The following TJP1 variants were observed in gnomAD, a reference collection of about 807,000 sequenced individuals.
TJP1 encodes tight junction protein ZO-1.
TJP1 carries 43 observed loss-of-function variants against 194.2 expected under a neutral mutation model. The observed-to-expected ratio is 0.22, with a 90% CI of 0.17 to 0.29. The LOEUF is 0.29. TJP1 is among the 10% of genes least tolerant of loss of function. The pLI, the probability that TJP1 is intolerant of heterozygous loss-of-function variation, is 1.00. For missense variants in TJP1, 1,971 were observed against 2,185.7 expected (o/e 0.90, Z 1.96); for synonymous variants, 801 against 779.0 (o/e 1.03, Z -0.47).
At chr15:29,720,300 C>A in intron 19 of TJP1, 58 bp downstream of exon 19, 4 of 1,383,534 alleles carry the variant, frequency 2.9e-6, no homozygotes, top group Non-Finnish European at 3.9e-6. Flanking sequence ...TCAATCACCA[C>A]ATTCTAAAAT....
intron 18 of TJP1, among the ~76,000 whole-genome samples, chr15:29,722,361 C>T (rs1031789557): frequency 3.9e-5 from 6 of 152,226 alleles, no homozygotes; most frequent in Non-Finnish European, 5.9e-5. Flanking sequence ...GTTCTAGCTC[C>T]AGACATGGCC....
chr15:29,794,343 T>C (rs1485680793), intron 2 of TJP1, among the ~76,000 whole-genome samples: 1 of 152,170 alleles, frequency 6.6e-6, no homozygotes, highest in East Asian at 1.9e-4. Flanking sequence ...TATACCTCTC[T>C]TATCTCAATG....
intron 2 of TJP1, among the ~76,000 whole-genome samples, chr15:29,777,744 T>C (rs555179530): frequency 2.7e-4 from 41 of 152,212 alleles, no homozygotes; most frequent in African/African-American, 9.1e-4. Context: ...AACTAACTTC[T>C]AGAAAGTACC....
intron 12 of TJP1, 83 bp from the exon 13 acceptor site, chr15:29,733,396 GATAATATCAATA>G: frequency 1.1e-6 from 1 of 931,160 alleles, no homozygotes; most frequent in Non-Finnish European, 1.6e-6. Flanking sequence ...AAGATGCTAT[GATAATATCAATA>G]ATAATATCCA....
chr15:29,702,622 A>ACAACAAT (rs955103451), intron 27 of TJP1, among the ~76,000 whole-genome samples: 17 of 152,194 alleles, frequency 1.1e-4, no homozygotes, highest in African/African-American at 4.1e-4. Context: ...GGAGGGCCCT[A>ACAACAAT]CAACAATCAT....
chr15:29,872,023 T>A lies in TJP1; in HGVS notation c.307-71321A>T, dbSNP rs564863417. 2.0e-5 allele frequency among the ~76,000 whole-genome samples: 3 copies of A among 152,198 alleles called. No homozygotes were observed. The South Asian group carries it at 6.2e-4, about 32-fold the overall frequency. On this transcript the variant is annotated intron_variant, in intron 2 of 28. Transcript: ENST00000356107. ...GGTCTGAACACACAGCACACAGCTG[T>A]CAGAAGGAAGGCCAGGCATTTACAC... is the stretch of plus-strand genomic sequence containing the variant.
rs1221313122 is a variant in TJP1, at chr15:29,795,416, CA to C, written c.84+5229del. Among the ~76,000 whole-genome samples the C allele has an allele frequency of 0.011, 1,084 of 100,694 alleles. 28 individuals are homozygous for C. The East Asian group carries it at 0.14, about 13-fold the overall frequency. 66.1% of individuals were successfully genotyped at this position (100,694 alleles called of 152,430 possible). On this transcript the variant is annotated intron_variant, in intron 2 of 27. Transcript: ENST00000614355. ...TGGGTGATACAGCAAGACTCTGTCT[CA>C]AAAAAAAAAAAAAAGACTACCAAAA...
At position 29,718,651 on chromosome 15, in the gene TJP1, C is replaced by T. The variant is rs1189846746; in HGVS notation, c.3491G>A (p.Gly1164Glu). The change falls in exon 21 of 28, where the codon GGG becomes GAG. Residue 1164 changes from glycine to glutamate, a missense_variant. By Grantham distance (98) the Gly-to-Glu change is moderately conservative. This residue lies in a region of TJP1 where 1,108 missense variants were observed against 1,128.5 expected (regional missense o/e 0.98). Coordinates refer to ENST00000614355, the MANE Select transcript of TJP1 (RefSeq NM_001330239.4). ...ALRHEEQPAPGYDTHGRLRPE... is the reference protein window; with the variant it reads ...ALRHEEQPAPEYDTHGRLRPE... The stretch of plus-strand genomic sequence containing the variant: ...TCTGAGTCTACCATGTGTGTCATAC[C>T]CAGGAGCTGGCTGCTCTTCGTGCCG... 1 of 1,614,014 alleles carries T rather than the reference C, an allele frequency of 6.2e-7. No individual in the cohort carries two copies. Among genetic ancestry groups the T allele is most frequent in the Non-Finnish European group, 8.5e-7 (1 of 1,180,034 alleles).
intron 4 of TJP1, among the ~76,000 whole-genome samples, chr15:29,766,965 G>C (rs1332381993): frequency 6.6e-6 from 1 of 152,116 alleles, no homozygotes; most frequent in Non-Finnish European, 1.5e-5. Context: ...AAAAATTTTA[G>C]AATGCATCAA....
intron 2 of TJP1, among the ~76,000 whole-genome samples, chr15:29,784,906 A>C (rs1466068051): frequency 1.3e-5 from 2 of 152,184 alleles, no homozygotes; most frequent in African/African-American, 4.8e-5. Context: ...GCATGTGCAA[A>C]AAAAAATTTT....
In TJP1 at chr15:29,718,682, C is replaced by T. The variant is rs771062493; in HGVS notation, c.3460G>A (p.Ala1154Thr). The T allele has an allele frequency of 1.5e-5, 24 of 1,614,120 alleles. No individual in the cohort carries two copies. In the East Asian group the frequency reaches 2.2e-4, roughly 15 times the overall value. ...PRYEQAPRASALRHEEQPAPG... is the reference protein window; with the variant it reads ...PRYEQAPRASTLRHEEQPAPG... Reference sequence around the variant, plus strand: ...GCTGGCTGCTCTTCGTGCCGCAGGGCGGATGCTCTAGGTGCCTGTTCGTAA... The same window carrying T: ...GCTGGCTGCTCTTCGTGCCGCAGGGTGGATGCTCTAGGTGCCTGTTCGTAA... The change falls in exon 21 of 28, where the codon GCC becomes ACC. Residue 1154 changes from alanine (A) to threonine (T), a missense_variant. Around this residue, in one of 5 missense-constraint regions of TJP1, gnomAD observed 1,108 missense variants for 1,128.5 expected, o/e 0.98. Coordinates refer to ENST00000614355, the MANE Select transcript of TJP1 (RefSeq NM_001330239.4).
chr15:29,806,327 T>TA (rs2049109328), intron 1 of TJP1, among the ~76,000 whole-genome samples: 1 of 152,160 alleles, frequency 6.6e-6, no homozygotes, highest in African/African-American at 2.4e-5. Context: ...ATGGAGCTAA[T>TA]ACAAAACACT....
At chr15:29,830,042 A>G (rs2050789621) in intron 2 of TJP1, among the ~76,000 whole-genome samples, 2 of 152,022 alleles carry the variant, frequency 1.3e-5, no homozygotes, top group Admixed American at 1.3e-4. Context: ...AAAAAAAGCC[A>G]TCTCTAAAAG....
chr15:29,742,281 G>T (rs2044473425), intron 9 of TJP1, among the ~76,000 whole-genome samples: 1 of 151,204 alleles, frequency 6.6e-6, no homozygotes, highest in Admixed American at 6.6e-5. Flanking sequence ...AATAAATAAA[G>T]GTATACTCCA....
intron 2 of TJP1, among the ~76,000 whole-genome samples, chr15:29,907,781 C>T (rs1421373319): frequency 2.0e-5 from 3 of 151,980 alleles, no homozygotes; most frequent in Admixed American, 2.0e-4. Flanking sequence ...CTCCCAGCTT[C>T]CCCCAGGTTC....
At position 29,710,861 on chromosome 15, in the gene TJP1, G is replaced by C; in HGVS notation, c.4342C>G (p.His1448Asp). 6.2e-7 allele frequency: 1 copy of C among 1,614,080 alleles called. No individual in the cohort carries two copies. The highest frequency in any genetic ancestry group is 1.1e-5 in the South Asian group (1 of 91,070). Residue 1448 changes from histidine to aspartate, a missense_variant, in exon 24 of 28, where the codon CAC becomes GAC. Around this residue, in one of 5 missense-constraint regions of TJP1, gnomAD observed 1,108 missense variants for 1,128.5 expected, o/e 0.98. Transcript: ENST00000614355. ...PSQPVTSASLHIHSKGAHGEG... is the reference protein window; with the variant it reads ...PSQPVTSASLDIHSKGAHGEG... The stretch of plus-strand genomic sequence containing the variant: ...CCATGTGCTCCCTTAGAATGTATGT[G>C]GAGAGACGCGCTGGTGACAGGCTGA...
upstream of TJP1, among the ~76,000 whole-genome samples, chr15:29,824,481 C>CATT (rs397699358): frequency 7.9e-5 from 12 of 151,168 alleles, no homozygotes; most frequent in East Asian, 9.8e-4. Context: ...TCATCATCAT[C>CATT]CCAGCACTTT....
intron 1 of TJP1, chr15:29,968,545 C>T (rs1031706207): frequency 1.2e-6 from 1 of 804,426 alleles, no homozygotes; most frequent in Non-Finnish European, 1.5e-6. Flanking sequence ...CCCGTCGGGC[C>T]CGACAGTCGC....
chr15:29,868,057 C>CAAAAA (rs33939764), intron 2 of TJP1, among the ~76,000 whole-genome samples: 1 of 127,348 alleles, frequency 7.9e-6, no homozygotes. Context: ...GATTCTGTCT[C>CAAAAA]AAAAAAAAAA....
Sources: allele counts gnomAD v4.1 joint callset (sites outside exome capture counted in the v4.1 genomes callset), GRCh38; gene constraint gnomAD v4.1.1; regional missense constraint gnomAD v4.1.1; transcripts MANE v1.5; gene names NCBI Gene and HGNC (gene_info 2026-07-23, HGNC 2026-07-21).